The following LTBP2 variants were observed in gnomAD, a reference collection of about 807,000 sequenced individuals.
LTBP2 encodes the protein latent transforming growth factor beta binding protein 2, also known as latent-transforming growth factor beta-binding protein 2.
A neutral mutation model predicts 210.6 loss-of-function variants in LTBP2; 103 were observed. The ratio of observed to expected loss-of-function variants is 0.49; its 90% CI spans 0.42 to 0.58. The LOEUF is 0.58. Ranked by LOEUF, LTBP2 falls within the 20% of genes least tolerant of loss-of-function variation. The pLI is 0.00. For missense variants in LTBP2, 2,313 were observed against 2,494.5 expected, an observed-to-expected ratio of 0.93 and a Z score of 1.55; for synonymous variants, 1,007 against 1,015.0, an observed-to-expected ratio of 0.99 and a Z score of 0.15.
rs756876772 is a variant in LTBP2 at position 74,504,043 on chromosome 14, A to G, written c.4465T>C (p.Cys1489Arg). The change falls in exon 31 of 36, where the codon TGT (cysteine) becomes CGT (arginine). Residue 1489 changes from cysteine to arginine, a missense_variant. By Grantham distance (180) the Cys-to-Arg change is radical (BLOSUM62 -3). This residue lies in a region of LTBP2 where 443 missense variants were observed against 501.4 expected (regional missense o/e 0.88). Transcript: ENST00000261978. ...CAGAGACCAGGCCCGAATATCACAC[A>G]CTCATCCGCATCTGTGGAAGGCAGA... ...GQTMYTDADE[C>R]VIFGPGLCPN... 1 of 1,613,638 alleles carries G rather than the reference A, an allele frequency of 6.2e-7. No homozygotes were observed. Among genetic ancestry groups the G allele is most frequent in the Admixed American group, 1.7e-5 (1 of 59,998 alleles).
Position 74,502,669 on chromosome 14 carries a change from G to T in LTBP2, c.5154C>A (p.Tyr1718Ter). The T allele has an allele frequency of 6.2e-7, 1 of 1,614,146 alleles. No homozygotes were observed. The highest frequency in any genetic ancestry group is 8.5e-7 in the Non-Finnish European group (1 of 1,180,024). The stretch of plus-strand genomic sequence containing the variant: ...AACACAGACCTGGATGGCTGGCCAC[G>T]TAGTGGGGCTGGAGTTCTGAGGGCT... ...PLQPSELQPHYVASHPEPPAG... is the reference protein window; with the variant it reads ...PLQPSELQPH The change falls in exon 34 of 36, where the codon TAC becomes TAA. Residue 1718 changes from tyrosine to a stop codon, truncating the protein, a stop_gained. Coordinates refer to ENST00000261978, the MANE Select transcript of LTBP2 (RefSeq NM_000428.3). LOFTEE classifies it high-confidence loss of function.
At position 74,507,340 on chromosome 14, in the gene LTBP2, A is replaced by G. The variant is rs752690332; in HGVS notation, c.3776-30T>C. The G allele has an allele frequency of 9.3e-6, 15 of 1,613,512 alleles. No individual in the cohort carries two copies. The South Asian group carries it at 1.6e-4, about 18-fold the overall frequency. On this transcript the variant is annotated intron_variant, in intron 25 of 35. Coordinates refer to ENST00000261978, the MANE Select transcript of LTBP2 (RefSeq NM_000428.3). Reference sequence around the variant, plus strand: ...CCCCAGAGCCATGCCATGAGAGAGGACAGAGGTGGCCAGGTCACTGCTGTG... The same window carrying G: ...CCCCAGAGCCATGCCATGAGAGAGGGCAGAGGTGGCCAGGTCACTGCTGTG...
intron 1 of LTBP2, among the ~76,000 whole-genome samples, chr14:74,609,365 C>T (rs1438517598): frequency 6.6e-6 from 1 of 152,172 alleles, no homozygotes; most frequent in Non-Finnish European, 1.5e-5. Flanking sequence ...TCACATCCAC[C>T]AGCTTTGTTG....
chr14:74,531,202 G>T (rs1293163590), intron 10 of LTBP2, among the ~76,000 whole-genome samples: 1 of 152,190 alleles, frequency 6.6e-6, no homozygotes. Flanking sequence ...AAAGGGAAGA[G>T]AAACTTCGTG....
intron 22 of LTBP2, 129 bp downstream of exon 22, chr14:74,509,109 G>T: frequency 6.3e-7 from 1 of 1,575,554 alleles, no homozygotes; most frequent in Non-Finnish European, 8.7e-7. Context: ...ACAAGCTTGT[G>T]AGCGACTCTT....
intron 17 of LTBP2, among the ~76,000 whole-genome samples, chr14:74,518,626 A>T (rs79201976): frequency 3.3e-5 from 5 of 152,342 alleles, no homozygotes; most frequent in Non-Finnish European, 7.3e-5. Context: ...CCAGCACAGA[A>T]CCCCAATAAG....
In LTBP2 at chr14:74,532,564, A is replaced by C. The variant is rs1350799006; in HGVS notation, c.1865-16T>G. On this transcript the variant is annotated splice_polypyrimidine_tract_variant and intron_variant, in intron 9 of 35. Coordinates refer to ENST00000261978, the MANE Select transcript of LTBP2 (RefSeq NM_000428.3). ...TCGTTGATATCTGCAGGGTTGGAGG[A>C]GATGACCAAGTGCCCGCCCCACGGA... 8 of 1,613,804 alleles carry C rather than the reference A, an allele frequency of 5.0e-6. No homozygotes were observed. The highest frequency in any genetic ancestry group is 6.8e-6 in the Non-Finnish European group (8 of 1,179,868).
In LTBP2 at chr14:74,573,794, G is replaced by C. The variant is rs930096411; in HGVS notation, c.830+12060C>G. 3.8e-4 allele frequency among the ~76,000 whole-genome samples: 58 copies of C among 152,166 alleles called. 1 individual carries two copies. Among genetic ancestry groups the C allele is most frequent in the African/African-American group, 1.4e-3 (57 of 41,430 alleles). On this transcript the variant is annotated intron_variant, in intron 3 of 35. Coordinates refer to ENST00000261978, the MANE Select transcript of LTBP2 (RefSeq NM_000428.3). ...GAAAAAGTATTTGCTATCGAGTACT[G>C]AGCACTTACCTATGTGAGCCGGCAC...
At chr14:74,515,885 T>A (rs889430595) in intron 18 of LTBP2, among the ~76,000 whole-genome samples, 1 of 152,188 alleles carries the variant, frequency 6.6e-6, no homozygotes, top group Non-Finnish European at 1.5e-5. Flanking sequence ...GGTGACACAC[T>A]GGGGCTGAAG....
chr14:74,533,325 T>C (rs1238126753), intron 9 of LTBP2, among the ~76,000 whole-genome samples: 4 of 152,156 alleles, frequency 2.6e-5, no homozygotes, highest in Admixed American at 1.3e-4. Context: ...TTTGGGGAAA[T>C]TGGCACTGGG....
At chr14:74,507,867 C>T (rs2087010540) in intron 25 of LTBP2, 106 bp downstream of exon 25, 1 of 1,488,354 alleles carries the variant, frequency 6.7e-7, no homozygotes, top group Admixed American at 1.7e-5. Context: ...ATTTGTTGGA[C>T]ACTTCATCTG....
chr14:74,584,124 C>T (rs1382267055), intron 3 of LTBP2, among the ~76,000 whole-genome samples: 1 of 152,166 alleles, frequency 6.6e-6, no homozygotes, highest in Non-Finnish European at 1.5e-5. Flanking sequence ...ATCCAGAGCA[C>T]AGGCCACTGG....
chr14:74,587,591 C>A, intron 2 of LTBP2, among the ~76,000 whole-genome samples: 1 of 151,676 alleles, frequency 6.6e-6, no homozygotes, highest in Non-Finnish European at 1.5e-5. Context: ...CTCGAGAAGC[C>A]GCCAGAGACC....
In LTBP2 at chr14:74,509,798, GC is replaced by G. The variant is rs2087046463; in HGVS notation, c.3212del (p.Gly1071AlafsTer14). The stretch of plus-strand genomic sequence containing the variant: ...TCTCACAGGCAGAGCAGGCGAAGGA[GC>G]CCTCCGTGTTGAGGCAGAGGCCTGT... ...CPTGLCLNTE[G>X]SFACSACENG... is the part of the protein sequence containing the mutation. On this transcript the variant is annotated frameshift_variant, in exon 21 of 36. Transcript: ENST00000261978. LOFTEE classifies it high-confidence loss of function. The G allele has an allele frequency of 6.2e-7, 1 of 1,614,026 alleles. No homozygotes were observed. Among genetic ancestry groups the G allele is most frequent in the Non-Finnish European group, 8.5e-7 (1 of 1,180,056 alleles).
intron 14 of LTBP2, among the ~76,000 whole-genome samples, 187 bp downstream of exon 14, chr14:74,525,888 C>T (rs1432982587): frequency 6.6e-6 from 1 of 152,232 alleles, no homozygotes; most frequent in Non-Finnish European, 1.5e-5. Context: ...GGGTCTCTCG[C>T]TGACTTCACA....
chr14:74,549,968 G>A lies in LTBP2; in HGVS notation c.1687-3C>T, dbSNP rs1003999687. 2 of 1,599,292 alleles carry A rather than the reference G, an allele frequency of 1.3e-6. No homozygotes were observed. Among genetic ancestry groups the A allele is most frequent in the Non-Finnish European group, 1.7e-6 (2 of 1,166,562 alleles). The stretch of plus-strand genomic sequence containing the variant: ...AGCTCCAGCAGAGGGTTGGCACACT[G>A]GAAGGAGAGGCCATGGACACCTGTG... On this transcript the variant is annotated splice_polypyrimidine_tract_variant and splice_region_variant and intron_variant, in intron 7 of 35. Coordinates refer to ENST00000261978, the MANE Select transcript of LTBP2 (RefSeq NM_000428.3).
intron 9 of LTBP2, among the ~76,000 whole-genome samples, chr14:74,532,934 G>T (rs2087371135): frequency 1.3e-5 from 2 of 152,218 alleles, no homozygotes; most frequent in Non-Finnish European, 2.9e-5. Context: ...CCGCCTCCCA[G>T]GTTCAAGCAA....
chr14:74,509,274 C>T lies in LTBP2; in HGVS notation c.3367G>A (p.Gly1123Ser). The change falls in exon 22 of 36, where the codon GGC (glycine) becomes AGC (serine). Residue 1123 changes from glycine to serine, a missense_variant. Physicochemically the swap from Gly to Ser is moderately conservative, Grantham distance 56. This residue lies in a region of LTBP2 where 1,867 missense variants were observed against 1,976.9 expected (regional missense o/e 0.94). Coordinates refer to ENST00000261978, the MANE Select transcript of LTBP2 (RefSeq NM_000428.3). ...GSFSCKDCDG[G>S]YRPSPLGDSC... Reference sequence around the variant, plus strand: ...TCACCCAGGGGGCTGGGCCGGTAGCCCCCATCGCAGTCCTTGCAGGAGAAG... The same window carrying T: ...TCACCCAGGGGGCTGGGCCGGTAGCTCCCATCGCAGTCCTTGCAGGAGAAG... 1 of 1,613,666 alleles carries T rather than the reference C, an allele frequency of 6.2e-7. No individual in the cohort carries two copies. The highest frequency in any genetic ancestry group is 8.5e-7 in the Non-Finnish European group (1 of 1,180,006).
At chr14:74,597,137 C>G (rs973367965) in intron 2 of LTBP2, among the ~76,000 whole-genome samples, 3 of 152,154 alleles carry the variant, frequency 2.0e-5, no homozygotes, top group Non-Finnish European at 4.4e-5. Flanking sequence ...GCCAGGGACA[C>G]AGGAGGGGAC....
Sources: allele counts gnomAD v4.1 joint callset (sites outside exome capture counted in the v4.1 genomes callset), GRCh38; gene constraint gnomAD v4.1.1; regional missense constraint gnomAD v4.1.1; transcripts MANE v1.5; gene names NCBI Gene and HGNC (gene_info 2026-07-23, HGNC 2026-07-21).